SPATA13: variants seen among roughly 807,000 people sequenced by gnomAD.
SPATA13 encodes the protein spermatogenesis associated 13.
A neutral mutation model predicts 104.0 loss-of-function variants in SPATA13; 50 were observed. The observed-to-expected ratio is 0.48, with a 90% CI of 0.38 to 0.61. The LOEUF is 0.61. SPATA13 is among the 20% of genes least tolerant of loss of function. SPATA13 has a pLI of 0.00. For missense variants in SPATA13, 1,524 were observed against 1,690.6 expected, an observed-to-expected ratio of 0.90 and a Z score of 1.73; for synonymous variants, 606 against 667.5, an observed-to-expected ratio of 0.91 and a Z score of 1.42.
intron 2 of SPATA13, among the ~76,000 whole-genome samples, chr13:23,990,563 C>T (rs143931435): frequency 2.0e-5 from 3 of 152,298 alleles, no homozygotes; most frequent in East Asian, 3.9e-4. Flanking sequence ...ATTCCTTCTT[C>T]CTCTAGCAAG....
At chr13:24,003,234 CCAGATCACT>C (rs759953218) in intron 2 of SPATA13, among the ~76,000 whole-genome samples, 35 of 152,076 alleles carry the variant, frequency 2.3e-4, no homozygotes, top group Non-Finnish European at 3.2e-4. Context: ...AGTGCCTAGG[CCAGATCACT>C]CAGAGAAGGT....
intron 3 of SPATA13, among the ~76,000 whole-genome samples, chr13:24,028,162 C>T (rs949585265): frequency 6.6e-6 from 1 of 152,122 alleles, no homozygotes; most frequent in Non-Finnish European, 1.5e-5. Context: ...ACAAGTTACC[C>T]TATTATTATT....
At chr13:23,993,146 G>GA (rs200325226) in intron 2 of SPATA13, among the ~76,000 whole-genome samples, 1 of 152,052 alleles carries the variant, frequency 6.6e-6, no homozygotes, top group Admixed American at 6.6e-5. Flanking sequence ...CTGCTGTGGC[G>GA]AAGGTCGTGG....
At chr13:23,993,150 G>T (rs1330179011) in intron 2 of SPATA13, among the ~76,000 whole-genome samples, 1 of 152,230 alleles carries the variant, frequency 6.6e-6, no homozygotes, top group Non-Finnish European at 1.5e-5. Flanking sequence ...TGTGGCGAAG[G>T]TCGTGGACAG....
chr13:24,174,603 G>A (rs1367796019), intron 1 of SPATA13, among the ~76,000 whole-genome samples: 1 of 151,872 alleles, frequency 6.6e-6, no homozygotes, highest in Non-Finnish European at 1.5e-5. Context: ...TTGAGACGAA[G>A]TCTTGCTCTG....
At chr13:24,291,757 T>TTTA (rs1555277167) in intron 9 of SPATA13, among the ~76,000 whole-genome samples, 5 of 80,052 alleles carry the variant, frequency 6.2e-5, no homozygotes, top group African/African-American at 2.7e-4. Context: ...TATTTTTTTA[T>TTTA]TTTTTTTTTT....
In SPATA13 at chr13:24,224,342, C is replaced by G; in HGVS notation, c.1413C>G (p.Pro471=). The G allele has an allele frequency of 6.4e-7, 1 of 1,551,702 alleles. No homozygotes were observed. The highest frequency in any genetic ancestry group is 1.2e-5 in the South Asian group (1 of 84,060). ...PTPLRPTTPK[P]QSPQSPQSPG... Reference sequence around the variant, plus strand: ...CTCTAAGGCCCACCACACCCAAGCCCCAGAGCCCTCAGAGCCCCCAGAGCC... The same window carrying G: ...CTCTAAGGCCCACCACACCCAAGCCGCAGAGCCCTCAGAGCCCCCAGAGCC... Residue 471 remains proline, a synonymous_variant, in exon 2 of 13, where the codon CCC becomes CCG. Coordinates refer to ENST00000382108, the MANE Select transcript of SPATA13 (RefSeq NM_001166271.3).
chr13:24,127,360 A>C (rs570388901), intron 3 of SPATA13, among the ~76,000 whole-genome samples: 10 of 152,310 alleles, frequency 6.6e-5, no homozygotes, highest in African/African-American at 2.4e-4. Flanking sequence ...AGCAGGGAGG[A>C]GTTGACAACC....
chr13:24,249,414 G>A, intron 2 of SPATA13, 63 bp from the exon 3 acceptor site: 1 of 1,452,172 alleles, frequency 6.9e-7, no homozygotes, highest in Non-Finnish European at 9.1e-7. Flanking sequence ...GGAATGTATG[G>A]CTTGTTCTTT....
At chr13:24,066,130 G>T (rs1267822655) in intron 3 of SPATA13, among the ~76,000 whole-genome samples, 1 of 152,164 alleles carries the variant, frequency 6.6e-6, no homozygotes, top group Non-Finnish European at 1.5e-5. Flanking sequence ...TGTACCTTTA[G>T]GTTACACGTG....
intron 10 of SPATA13, 113 bp from the exon 11 acceptor site, chr13:24,297,250 G>T: frequency 1.5e-6 from 2 of 1,293,380 alleles, no homozygotes; most frequent in Admixed American, 2.4e-5. Context: ...GTGTTGCCCA[G>T]GCTGGTCTCA....
intron 4 of SPATA13, among the ~76,000 whole-genome samples, chr13:24,264,560 A>G (rs1279493593): frequency 6.6e-6 from 1 of 152,242 alleles, no homozygotes; most frequent in African/African-American, 2.4e-5. Flanking sequence ...ACAAAACACA[A>G]TATTGTCTAA....
chr13:24,287,916 C>T (rs1311833537), intron 7 of SPATA13, among the ~76,000 whole-genome samples: 1 of 152,188 alleles, frequency 6.6e-6, no homozygotes, highest in Non-Finnish European at 1.5e-5. Flanking sequence ...TCTGCACTAT[C>T]AGTTCAACGC....
intron 2 of SPATA13, among the ~76,000 whole-genome samples, chr13:24,017,415 C>G (rs9553143): frequency 0.34 from 51,848 of 152,030 alleles, 9,121 homozygotes; most frequent in African/African-American, 0.41. Context: ...TGATCTAAAT[C>G]TAAATCTCTT....
intron 2 of SPATA13, among the ~76,000 whole-genome samples, chr13:24,000,191 ATT>A (rs2137671251): frequency 1.3e-5 from 2 of 152,362 alleles, no homozygotes; most frequent in East Asian, 3.9e-4. Context: ...GGAGAAGGAC[ATT>A]GTGCCCTGAA....
intron 3 of SPATA13, among the ~76,000 whole-genome samples, chr13:24,135,273 G>A (rs1881523093): frequency 6.6e-6 from 1 of 152,068 alleles, no homozygotes; most frequent in Non-Finnish European, 1.5e-5. Context: ...CAATAATTAG[G>A]AAAGAGACAG....
rs538336711 is a variant in SPATA13 at position 24,098,345 on chromosome 13, C to G, written c.-112+80644C>G. Among the ~76,000 whole-genome samples the G allele has an allele frequency of 6.3e-4, 96 of 152,026 alleles. 1 individual carries two copies. Among genetic ancestry groups the G allele is most frequent in the Middle Eastern group, 3.4e-3 (1 of 294 alleles). ...GGCTGAGGCAGGAGAATCTCTTGAA[C>G]CCAGGAATTCAAAGTCAGCCCGGGC... On this transcript the variant is annotated intron_variant, in intron 3 of 14. Transcript: ENST00000424834.
At chr13:24,032,535 G>A (rs1178395224) in intron 3 of SPATA13, among the ~76,000 whole-genome samples, 1 of 152,130 alleles carries the variant, frequency 6.6e-6, no homozygotes, top group African/African-American at 2.4e-5. Flanking sequence ...AATATGTTGG[G>A]TTTCCTTTAT....
intron 3 of SPATA13, among the ~76,000 whole-genome samples, chr13:24,060,781 G>A (rs937365599): frequency 3.3e-5 from 5 of 152,178 alleles, no homozygotes; most frequent in Non-Finnish European, 7.3e-5. Context: ...GGACAAATGC[G>A]GCTGGGCACG....
Sources: allele counts gnomAD v4.1 joint callset (sites outside exome capture counted in the v4.1 genomes callset), GRCh38; gene constraint gnomAD v4.1.1; transcripts MANE v1.5; gene names NCBI Gene and HGNC (gene_info 2026-07-23, HGNC 2026-07-21).